Variants in STK33 observed in about 807,000 individuals in gnomAD.
The protein encoded by STK33 is serine/threonine-protein kinase 33.
In STK33, 52 loss-of-function variants were observed where a neutral mutation model predicts 58.0. That is an observed-to-expected ratio of 0.90 (90% CI 0.72 to 1.13). STK33 has a LOEUF of 1.13. Among genes scored for constraint, STK33 ranks in the 50% most tolerant of loss-of-function variants. The pLI is 0.00. For missense variants in STK33, 630 were observed against 604.2 expected (o/e 1.04, Z -0.45); for synonymous variants, 215 against 200.1 (o/e 1.07, Z -0.63).
chr11:8,423,161 A>T lies in STK33; in HGVS notation c.1147-9469T>A, dbSNP rs569132510. Among the ~76,000 whole-genome samples the T allele has an allele frequency of 5.5e-3, 837 of 150,872 alleles. 8 individuals are homozygous for T. Among genetic ancestry groups the T allele is most frequent in the Non-Finnish European group, 7.7e-3 (521 of 67,684 alleles). ...CCAGCCTGTTTTCTGTTTCTTTCTT[A>T]ATTTCACCAAAGATTTATTTATTTT... On this transcript the variant is annotated intron_variant, in intron 14 of 15. Transcript: ENST00000687296.
chr11:8,519,509 G>C (rs1249576851), intron 1 of STK33, among the ~76,000 whole-genome samples: 10 of 151,996 alleles, frequency 6.6e-5, no homozygotes, highest in South Asian at 4.2e-4. Flanking sequence ...AACTGAAGGA[G>C]ACAGAGACAC....
intron 1 of STK33, among the ~76,000 whole-genome samples, chr11:8,568,296 G>A (rs1308035513): frequency 6.6e-6 from 1 of 152,076 alleles, no homozygotes; most frequent in Non-Finnish European, 1.5e-5. Context: ...TCATTAAAAT[G>A]GCATAAAAGT....
At chr11:8,374,721 G>A in the STK33 span, among the ~76,000 whole-genome samples, 8 of 152,194 alleles carry the variant, frequency 5.3e-5, no homozygotes, top group African/African-American at 1.9e-4. Context: ...ATTTGGAGGA[G>A]GGGACACAAA....
intron 15 of STK33, among the ~76,000 whole-genome samples, chr11:8,399,393 G>A (rs1849974551): frequency 6.6e-6 from 1 of 152,142 alleles, no homozygotes; most frequent in African/African-American, 2.4e-5. Context: ...AATGAAGGCA[G>A]AAATAAAGAT....
In STK33 at chr11:8,498,155, A is replaced by G. The variant is rs1386802750; in HGVS notation, c.-465-17541T>C. ...AAACATATCATTTTGATATATGCAGAAAAAAAACATTTGACAAAAACCAAT... is the reference window on the plus strand; with the variant it reads ...AAACATATCATTTTGATATATGCAGGAAAAAAACATTTGACAAAAACCAAT... On this transcript the variant is annotated intron_variant, in intron 1 of 15. Coordinates refer to ENST00000687296, the MANE Select transcript of STK33 (RefSeq NM_001352389.2). 5.3e-5 allele frequency among the ~76,000 whole-genome samples: 8 copies of G among 152,028 alleles called. No homozygotes were observed. The East Asian group carries it at 7.7e-4, about 15-fold the overall frequency.
chr11:8,354,311 T>TCCTCATTCCTCAC, the STK33 span, among the ~76,000 whole-genome samples: 530 of 151,974 alleles, frequency 3.5e-3, 3 homozygotes, highest in African/African-American at 0.012. Context: ...TCATTTCCCT[T>TCCTCATTCCTCAC]CCTCATTCCT....
Position 8,536,972 on chromosome 11 carries a change from A to T in STK33, c.-465-56358T>A, listed in dbSNP as rs868608844. Among the ~76,000 whole-genome samples the T allele has an allele frequency of 5.7e-3, 375 of 65,672 alleles. 1 individual carries two copies. Among genetic ancestry groups the T allele is most frequent in the Middle Eastern group, 0.028 (1 of 36 alleles). The allele number at this position is 65,672 out of a possible 152,430, so 43.1% of individuals were successfully genotyped here. A position where few individuals can be genotyped will look rare whatever the true frequency, so the allele number is the denominator to read the frequency against. On this transcript the variant is annotated intron_variant, in intron 1 of 15. Coordinates refer to ENST00000687296, the MANE Select transcript of STK33 (RefSeq NM_001352389.2). ...AATTAAAAAAAAAAAAAAAAAAAAG[A>T]TTTTTTTTTTTTTTTTTTTTTTTTT...
chr11:8,569,752 T>C (rs1174268242), intron 1 of STK33, among the ~76,000 whole-genome samples: 1 of 152,038 alleles, frequency 6.6e-6, no homozygotes, highest in Admixed American at 6.6e-5. Flanking sequence ...AGCCCAGGAA[T>C]TCAAGACTAC....
At chr11:8,417,544 T>C (rs574506615) in intron 14 of STK33, among the ~76,000 whole-genome samples, 1 of 152,214 alleles carries the variant, frequency 6.6e-6, no homozygotes, top group East Asian at 1.9e-4. Flanking sequence ...TGGGGTGAGA[T>C]GGTATGAGTC....
intron 14 of STK33, among the ~76,000 whole-genome samples, chr11:8,421,365 T>C (rs1361859220): frequency 2.0e-5 from 3 of 152,192 alleles, no homozygotes; most frequent in African/African-American, 4.8e-5. Flanking sequence ...TGGAGAACTC[T>C]TGATTCCAGC....
At chr11:8,536,571 T>C (rs775075663) in intron 1 of STK33, among the ~76,000 whole-genome samples, 3 of 152,130 alleles carry the variant, frequency 2.0e-5, no homozygotes, top group Non-Finnish European at 4.4e-5. Flanking sequence ...TGTAATACAA[T>C]AGGAAATACA....
chr11:8,451,856 A>G (rs147101035), intron 11 of STK33, among the ~76,000 whole-genome samples: 257 of 152,146 alleles, frequency 1.7e-3, no homozygotes, highest in African/African-American at 4.0e-3. Context: ...TTTACAAAAT[A>G]TATCTAATCA....
Position 8,553,545 on chromosome 11 carries a change from C to T in STK33, c.-466+40538G>A, listed in dbSNP as rs569418769. On this transcript the variant is annotated intron_variant, in intron 1 of 15. Coordinates refer to ENST00000687296, the MANE Select transcript of STK33 (RefSeq NM_001352389.2). ...GACCAAAATGTTGTTATACGCTATA[C>T]GACTGTATATTTTAAGGCTATCAAA... 9.8e-4 allele frequency among the ~76,000 whole-genome samples: 149 copies of T among 151,934 alleles called. 1 individual carries two copies. The highest frequency in any genetic ancestry group is 3.4e-3 in the Middle Eastern group (1 of 292).
intron 13 of STK33, 129 bp from the exon 14 acceptor site, chr11:8,435,708 G>C (rs947269362): frequency 4.2e-6 from 2 of 481,098 alleles, no homozygotes; most frequent in Non-Finnish European, 7.0e-6. Flanking sequence ...AAAATCATCA[G>C]TATAAATGCC....
chr11:8,362,669 C>A, the STK33 span, among the ~76,000 whole-genome samples: 1 of 152,230 alleles, frequency 6.6e-6, no homozygotes, highest in East Asian at 1.9e-4. Context: ...GCTGGGAAGG[C>A]ATTAATGGGG....
rs1946450845 is a variant in STK33 at position 8,452,901 on chromosome 11, A to T, written c.792T>A (p.Thr264=). The T allele has an allele frequency of 6.2e-7, 1 of 1,614,078 alleles. No individual in the cohort carries two copies. The highest frequency in any genetic ancestry group is 1.3e-5 in the African/African-American group (1 of 75,058). ...GCTTCTTCACCGCTAAGCCAAAATC[A>T]GTCACCTGGGAGAAGAAATTCAAGC... ...NNEINLNIKV[T]DFGLAVKKQS... Residue 264 remains threonine, a synonymous_variant, in exon 11 of 16, where the codon ACT becomes ACA. Transcript: ENST00000687296.
rs1311964136 is a variant in STK33 at position 8,575,457 on chromosome 11, A to C, written c.-466+18626T>G. On this transcript the variant is annotated intron_variant, in intron 1 of 15. Transcript: ENST00000687296. The stretch of plus-strand genomic sequence containing the variant: ...ACAAGCTCTGATACAACATGGATGA[A>C]CCATGAAAACACTATGCTCAATGAA... 2.6e-5 allele frequency among the ~76,000 whole-genome samples: 4 copies of C among 152,226 alleles called. No individual in the cohort carries two copies. In the East Asian group the frequency reaches 5.8e-4, roughly 22 times the overall value.
intron 1 of STK33, among the ~76,000 whole-genome samples, chr11:8,591,640 A>G (rs2032608823): frequency 6.6e-6 from 1 of 152,196 alleles, no homozygotes; most frequent in African/African-American, 2.4e-5. Context: ...CTGCAAAAAA[A>G]GAGGTTGCAG....
At chr11:8,441,497 G>A (rs891112861) in intron 11 of STK33, among the ~76,000 whole-genome samples, 6 of 152,066 alleles carry the variant, frequency 3.9e-5, no homozygotes, top group African/African-American at 1.4e-4. Context: ...GACTACAGGT[G>A]CATACTATCA....
Sources: gnomAD v4.1 joint callset for allele counts (sites outside exome capture counted in the v4.1 genomes callset) on GRCh38, gnomAD v4.1.1 for gene constraint, MANE v1.5 for transcripts, NCBI Gene and HGNC (gene_info 2026-07-23, HGNC 2026-07-21) for gene names.